TACR3: variants seen among roughly 807,000 people sequenced by gnomAD.
The protein encoded by TACR3 is neuromedin-K receptor.
Under a neutral mutation model 35.0 loss-of-function variants are expected in TACR3, and 34 were observed. That is an observed-to-expected ratio of 0.97 (90% CI 0.74 to 1.30). The LOEUF (loss-of-function observed/expected upper bound fraction) is 1.30, where lower values mean the gene tolerates loss of function less well. Ranked by LOEUF, TACR3 falls within the 50% of genes most tolerant of loss-of-function variation. The pLI is 0.00. For synonymous variants in TACR3, 233 were observed against 221.1 expected (o/e 1.05, Z -0.48); for missense variants, 558 against 591.7 (o/e 0.94, Z 0.59).
At chr4:103,693,931 T>C (rs531274453) in intron 1 of TACR3, among the ~76,000 whole-genome samples, 2 of 152,302 alleles carry the variant, frequency 1.3e-5, no homozygotes, top group South Asian at 4.1e-4. Context: ...ATTCTAACTT[T>C]ATTTCCAAAT....
intron 3 of TACR3, among the ~76,000 whole-genome samples, chr4:103,630,785 T>G (rs575504715): frequency 2.6e-5 from 4 of 152,198 alleles, no homozygotes; most frequent in African/African-American, 9.6e-5. Context: ...ATTCCTCAAG[T>G]ATCTAGAACT....
intron 1 of TACR3, among the ~76,000 whole-genome samples, chr4:103,712,231 C>G (rs946641781): frequency 6.6e-6 from 1 of 152,162 alleles, no homozygotes; most frequent in African/African-American, 2.4e-5. Flanking sequence ...CATCACGCTA[C>G]CTGACTTCAA....
Position 103,638,355 on chromosome 4 carries a change from A to C in TACR3, c.888+17839T>G, listed in dbSNP as rs533760560. Among the ~76,000 whole-genome samples the C allele has an allele frequency of 4.6e-5, 7 of 152,128 alleles. No individual in the cohort carries two copies. The East Asian group carries it at 1.4e-3, about 29-fold the overall frequency. On this transcript the variant is annotated intron_variant, in intron 3 of 4. Coordinates refer to ENST00000304883, the MANE Select transcript of TACR3 (RefSeq NM_001059.3). ...GAAATGGGGAAAGGATTCCCTATTT[A>C]ATCAATGGTGCTGGGAAAACTGGCT...
At chr4:103,601,944 T>C (rs759079038) in intron 3 of TACR3, among the ~76,000 whole-genome samples, 1 of 152,224 alleles carries the variant, frequency 6.6e-6, no homozygotes, top group Non-Finnish European at 1.5e-5. Flanking sequence ...CTTTGCTAGA[T>C]TGGGGAAGTT....
intron 1 of TACR3, among the ~76,000 whole-genome samples, chr4:103,680,771 T>A (rs1254856247): frequency 1.3e-5 from 2 of 151,708 alleles, no homozygotes; most frequent in Non-Finnish European, 2.9e-5. Flanking sequence ...TTTCTCACCA[T>A]GAGGATCTTT....
At chr4:103,597,484 T>C (rs955488898) in intron 3 of TACR3, among the ~76,000 whole-genome samples, 3 of 152,112 alleles carry the variant, frequency 2.0e-5, no homozygotes, top group African/African-American at 7.2e-5. Flanking sequence ...CTTTAAGTTT[T>C]AGGGTACAAG....
intron 1 of TACR3, among the ~76,000 whole-genome samples, chr4:103,680,769 C>T (rs1722052312): frequency 6.6e-6 from 1 of 151,558 alleles, no homozygotes; most frequent in South Asian, 2.1e-4. Context: ...GTTTTCTCAC[C>T]ATGAGGATCT....
chr4:103,661,659 G>A (rs11097822), intron 1 of TACR3, among the ~76,000 whole-genome samples: 62,261 of 151,754 alleles, frequency 0.41, 14,758 homozygotes, highest in African/African-American at 0.66. Context: ...TGCTAGAGAA[G>A]GTATTTTCTG....
At chr4:103,706,621 A>C (rs543100656) in intron 1 of TACR3, among the ~76,000 whole-genome samples, 11 of 152,266 alleles carry the variant, frequency 7.2e-5, no homozygotes, top group Non-Finnish European at 1.3e-4. Context: ...TATAATAAAA[A>C]ACTGGGGGGA....
intron 1 of TACR3, among the ~76,000 whole-genome samples, chr4:103,694,962 C>T (rs913327828): frequency 6.6e-6 from 1 of 152,044 alleles, no homozygotes; most frequent in Non-Finnish European, 1.5e-5. Context: ...CAAATGTTTT[C>T]ATTTATTGTA....
At chr4:103,662,950 G>A (rs77095006) in intron 1 of TACR3, among the ~76,000 whole-genome samples, 1,638 of 152,250 alleles carry the variant, frequency 0.011, 16 homozygotes, top group Non-Finnish European at 0.019. Context: ...CATTGTTACA[G>A]CAGCCCTAAC....
At chr4:103,645,566 A>G (rs1019429600) in intron 3 of TACR3, among the ~76,000 whole-genome samples, 7 of 152,136 alleles carry the variant, frequency 4.6e-5, no homozygotes, top group African/African-American at 1.7e-4. Context: ...TCTTTAATGT[A>G]ATTATCTTAA....
intron 3 of TACR3, among the ~76,000 whole-genome samples, chr4:103,639,497 C>T (rs564550394): frequency 5.3e-5 from 8 of 151,812 alleles, no homozygotes; most frequent in Middle Eastern, 3.4e-3. Context: ...TGCTAAATGA[C>T]GAGTTAATGG....
intron 3 of TACR3, among the ~76,000 whole-genome samples, chr4:103,598,822 T>C (rs908292163): frequency 6.6e-6 from 1 of 152,226 alleles, no homozygotes; most frequent in East Asian, 1.9e-4. Flanking sequence ...TATATCTGTT[T>C]GTGCACCAGT....
intron 3 of TACR3, among the ~76,000 whole-genome samples, chr4:103,602,382 ACTC>A (rs1724228797): frequency 6.6e-6 from 1 of 150,926 alleles, no homozygotes; most frequent in African/African-American, 2.4e-5. Flanking sequence ...TCTTCTCTCA[ACTC>A]CTCTAAGTCA....
chr4:103,693,022 T>C (rs1249366439), intron 1 of TACR3, among the ~76,000 whole-genome samples: 1 of 152,176 alleles, frequency 6.6e-6, no homozygotes, highest in Non-Finnish European at 1.5e-5. Context: ...AGAATATACA[T>C]AAGAAAATAC....
chr4:103,616,112 A>AGGAAACTCCTAGACAGGATAGTGAAG (rs1241587737), intron 3 of TACR3, among the ~76,000 whole-genome samples: 1 of 152,348 alleles, frequency 6.6e-6, no homozygotes, highest in East Asian at 1.9e-4. Context: ...CCTGTGCTAG[A>AGGAAACTCCTAGACAGGATAGTGAAG]GGAAACTCCT....
intron 3 of TACR3, among the ~76,000 whole-genome samples, chr4:103,618,096 C>CTAT (rs1327585463): frequency 6.6e-6 from 1 of 152,008 alleles, no homozygotes. Flanking sequence ...AAAAATAATT[C>CTAT]TATTTGTGTT....
At chr4:103,611,486 A>T (rs1217191794) in intron 3 of TACR3, among the ~76,000 whole-genome samples, 5 of 152,196 alleles carry the variant, frequency 3.3e-5, no homozygotes, top group African/African-American at 1.2e-4. Flanking sequence ...AGGTACACAC[A>T]GTTGCCTCCT....
Sources: allele counts gnomAD v4.1 joint callset (sites outside exome capture counted in the v4.1 genomes callset), GRCh38; gene constraint gnomAD v4.1.1; transcripts MANE v1.5; gene names NCBI Gene and HGNC (gene_info 2026-07-23, HGNC 2026-07-21).